ATF5: variants seen among roughly 807,000 people sequenced by gnomAD.
ATF5 encodes activating transcription factor 5.
In ATF5, 6 loss-of-function variants were observed where a neutral mutation model predicts 4.6. The observed-to-expected ratio is 1.31, with a 90% CI of 0.72 to 2.59. The LOEUF (loss-of-function observed/expected upper bound fraction) is 2.59, where lower values mean the gene tolerates loss of function less well. Ranked by LOEUF, ATF5 falls within the 30% of genes most tolerant of loss-of-function variation. The probability of loss-of-function intolerance (pLI) is 0.00; values close to 1 mark genes in which losing one functional copy is unlikely to be tolerated. For missense variants in ATF5, 410 were observed against 368.7 expected (o/e 1.11, Z -0.92); for synonymous variants, 193 against 165.0 (o/e 1.17, Z -1.30).
In ATF5 at chr19:49,933,215, C is replaced by T; in HGVS notation, c.*123C>T. On this transcript the variant is annotated 3_prime_UTR_variant, in exon 3 of 3. Transcript: ENST00000423777. ...GTGGCTTATGCTTGTAATCCCAGCA[C>T]TTTGGGAGGCCAAGGCAGGAGGATC... 1.9e-6 allele frequency: 2 copies of T among 1,076,566 alleles called. No individual in the cohort carries two copies. The highest frequency in any genetic ancestry group is 2.6e-6 in the Non-Finnish European group (2 of 774,846). 66.7% of individuals were successfully genotyped at this position (1,076,566 alleles called of 1,614,324 possible). A position where few individuals can be genotyped will look rare whatever the true frequency, so the allele number is the denominator to read the frequency against.
chr19:49,932,492 A>G lies in ATF5; in HGVS notation c.249A>G (p.Leu83=). The G allele has an allele frequency of 1.3e-6, 2 of 1,486,472 alleles. No individual in the cohort carries two copies. The highest frequency in any genetic ancestry group is 1.8e-6 in the Non-Finnish European group (2 of 1,092,124). The allele number at this position is 1,486,472 out of a possible 1,614,324, so 92.1% of individuals were successfully genotyped here. A position where few individuals can be genotyped will look rare whatever the true frequency, so the allele number is the denominator to read the frequency against. ...FTALLPLEPP[L]PPGTLPQPSP... ...CTCTCCTCCCTCTGGAGCCTCCCTT[A>G]CCCCCCGGCACCCTCCCCCAACCTT... The change falls in exon 3 of 3, where the codon TTA becomes TTG. Residue 83 remains leucine, a synonymous_variant. Coordinates refer to ENST00000423777, the MANE Select transcript of ATF5 (RefSeq NM_001193646.2).
At chr19:49,931,520 G>A (rs1356345256) in intron 2 of ATF5, among the ~76,000 whole-genome samples, 1 of 152,094 alleles carries the variant, frequency 6.6e-6, no homozygotes, top group Admixed American at 6.6e-5. Flanking sequence ...GGTGGCTCAC[G>A]CTTGTAGTCA....
Position 49,932,867 on chromosome 19 carries a change from G to A in ATF5, c.624G>A (p.Gly208=). ...APYPHPATTR[G]DRKQKKRDQN... is the part of the protein sequence containing the mutation. ...ACCCACATCCTGCCACCACCCGAGGGGACCGCAAGCAAAAGAAGAGAGACC... is the reference window on the plus strand; with the variant it reads ...ACCCACATCCTGCCACCACCCGAGGAGACCGCAAGCAAAAGAAGAGAGACC... The change falls in exon 3 of 3, where the codon GGG becomes GGA. Residue 208 remains glycine (G), a synonymous_variant. Coordinates refer to ENST00000423777, the MANE Select transcript of ATF5 (RefSeq NM_001193646.2). 6.2e-7 allele frequency: 1 copy of A among 1,613,008 alleles called. No individual in the cohort carries two copies. The highest frequency in any genetic ancestry group is 1.3e-5 in the African/African-American group (1 of 74,842).
rs772327793 is a variant in ATF5 at position 49,930,830 on chromosome 19, C to T, written c.-21C>T. The T allele has an allele frequency of 1.9e-5, 30 of 1,551,592 alleles. No homozygotes were observed. Among genetic ancestry groups the T allele is most frequent in the Non-Finnish European group, 2.6e-5 (30 of 1,144,368 alleles). On this transcript the variant is annotated 5_prime_UTR_variant, in exon 2 of 3. Coordinates refer to ENST00000423777, the MANE Select transcript of ATF5 (RefSeq NM_001193646.2). ...GCAGCCTCTCCTGTTGCCATCAGTG[C>T]CCAGCACCTGTGCTACAGCCATGTC...
In ATF5 at chr19:49,933,189, A is replaced by C. The variant is rs1210630695; in HGVS notation, c.*97A>C. On this transcript the variant is annotated 3_prime_UTR_variant, in exon 3 of 3. Coordinates refer to ENST00000423777, the MANE Select transcript of ATF5 (RefSeq NM_001193646.2). ...TTCCAAACCCCTCTCGGCCGGGTGC[A>C]GTGGCTTATGCTTGTAATCCCAGCA... 1 of 1,313,148 alleles carries C rather than the reference A, an allele frequency of 7.6e-7. No individual in the cohort carries two copies. The highest frequency in any genetic ancestry group is 1.0e-6 in the Non-Finnish European group (1 of 980,712). 81.3% of individuals were successfully genotyped at this position (1,313,148 alleles called of 1,614,324 possible).
At chr19:49,932,238 G>A (rs566332827) in intron 2 of ATF5, among the ~76,000 whole-genome samples, 184 bp from the exon 3 acceptor site, 15 of 152,178 alleles carry the variant, frequency 9.9e-5, no homozygotes, top group South Asian at 6.2e-4. Flanking sequence ...TGGTTGGTTC[G>A]TTGACTGGTT....
Position 49,930,807 on chromosome 19 carries a change from A to G in ATF5, c.-44A>G. 2 of 1,483,892 alleles carry G rather than the reference A, an allele frequency of 1.3e-6. No homozygotes were observed. Among genetic ancestry groups the G allele is most frequent in the South Asian group, 1.4e-5 (1 of 72,806 alleles). 91.9% of individuals were successfully genotyped at this position (1,483,892 alleles called of 1,614,324 possible). On this transcript the variant is annotated 5_prime_UTR_variant, in exon 2 of 3. Coordinates refer to ENST00000423777, the MANE Select transcript of ATF5 (RefSeq NM_001193646.2). Reference sequence around the variant, plus strand: ...AGAGCCTCGTGCCAGCTGCTGGTGCAGCCTCTCCTGTTGCCATCAGTGCCC... The same window carrying G: ...AGAGCCTCGTGCCAGCTGCTGGTGCGGCCTCTCCTGTTGCCATCAGTGCCC...
chr19:49,932,865 G>A lies in ATF5; in HGVS notation c.622G>A (p.Gly208Arg), dbSNP rs139037194. 6.8e-6 allele frequency: 11 copies of A among 1,612,986 alleles called. No homozygotes were observed. In the African/African-American group the frequency reaches 8.0e-5, roughly 12 times the overall value. Reference protein sequence around the residue: ...APYPHPATTRGDRKQKKRDQN... With the variant: ...APYPHPATTRRDRKQKKRDQN... ...CTACCCACATCCTGCCACCACCCGA[G>A]GGGACCGCAAGCAAAAGAAGAGAGA... is the stretch of plus-strand genomic sequence containing the variant. Residue 208 changes from glycine (G) to arginine (R), a missense_variant, in exon 3 of 3, where the codon GGG becomes AGG. Gly to Arg is a moderately radical substitution (Grantham distance 125). Transcript: ENST00000423777.
At position 49,932,777 on chromosome 19, in the gene ATF5, G is replaced by A. The variant is rs367836750; in HGVS notation, c.534G>A (p.Pro178=). 89 of 1,600,882 alleles carry A rather than the reference G, an allele frequency of 5.6e-5. No homozygotes were observed. The African/African-American group carries it at 9.7e-4, about 17-fold the overall frequency. Residue 178 remains proline, a synonymous_variant, in exon 3 of 3, where the codon CCG becomes CCA. Transcript: ENST00000423777. Reference sequence around the variant, plus strand: ...CCGGGCAGGAGGAAGTGGGGATGCCGCCTCTGCCCCCGCCACAGCAGCCCC... The same window carrying A: ...CCGGGCAGGAGGAAGTGGGGATGCCACCTCTGCCCCCGCCACAGCAGCCCC... ...NEAGQEEVGM[P]PLPPPQQPPP...
chr19:49,932,498 C>G lies in ATF5; in HGVS notation c.255C>G (p.Pro85=), dbSNP rs1152227. 20 of 1,605,410 alleles carry G rather than the reference C, an allele frequency of 1.2e-5. No homozygotes were observed. In the East Asian group the frequency reaches 3.1e-4, roughly 25 times the overall value. Residue 85 remains proline (P), a synonymous_variant, in exon 3 of 3, where the codon CCC becomes CCG. Transcript: ENST00000423777. ...ALLPLEPPLP[P]GTLPQPSPTP... ...TCCCTCTGGAGCCTCCCTTACCCCC[C>G]GGCACCCTCCCCCAACCTTCCCCAA...
upstream of ATF5, chr19:49,929,064 G>A (rs975680702): frequency 3.9e-5 from 6 of 152,282 alleles, no homozygotes; most frequent in Admixed American, 3.3e-4. Context: ...GGAAGGAAAG[G>A]CTCGGATCCC....
Position 49,933,164 on chromosome 19 carries a change from T to A in ATF5, c.*72T>A. The A allele has an allele frequency of 6.9e-7, 1 of 1,441,078 alleles. No individual in the cohort carries two copies. 89.3% of individuals were successfully genotyped at this position (1,441,078 alleles called of 1,614,324 possible). On this transcript the variant is annotated 3_prime_UTR_variant, in exon 3 of 3. Coordinates refer to ENST00000423777, the MANE Select transcript of ATF5 (RefSeq NM_001193646.2). Reference sequence around the variant, plus strand: ...CTTCATCCCCCTGCCTCTACCTTCATTCCAAACCCCTCTCGGCCGGGTGCA... The same window carrying A: ...CTTCATCCCCCTGCCTCTACCTTCAATCCAAACCCCTCTCGGCCGGGTGCA...
chr19:49,933,230 G>A lies in ATF5; in HGVS notation c.*138G>A. On this transcript the variant is annotated 3_prime_UTR_variant, in exon 3 of 3. Coordinates refer to ENST00000423777, the MANE Select transcript of ATF5 (RefSeq NM_001193646.2). ...AATCCCAGCACTTTGGGAGGCCAAG[G>A]CAGGAGGATCGTTTGAGGCCAGGAG... The A allele has an allele frequency of 1.1e-6, 1 of 947,806 alleles. No homozygotes were observed. The highest frequency in any genetic ancestry group is 1.5e-6 in the Non-Finnish European group (1 of 661,226). 58.7% of individuals were successfully genotyped at this position (947,806 alleles called of 1,614,324 possible).
At position 49,933,237 on chromosome 19, in the gene ATF5, G is replaced by A. The variant is rs1436140707; in HGVS notation, c.*145G>A. 3.5e-6 allele frequency: 3 copies of A among 856,774 alleles called. No individual in the cohort carries two copies. Among genetic ancestry groups the A allele is most frequent in the Non-Finnish European group, 5.2e-6 (3 of 579,416 alleles). The allele number at this position is 856,774 out of a possible 1,614,324, so 53.1% of individuals were successfully genotyped here. On this transcript the variant is annotated 3_prime_UTR_variant, in exon 3 of 3. Coordinates refer to ENST00000423777, the MANE Select transcript of ATF5 (RefSeq NM_001193646.2). ...GCACTTTGGGAGGCCAAGGCAGGAGGATCGTTTGAGGCCAGGAGGTCAATA... is the reference window on the plus strand; with the variant it reads ...GCACTTTGGGAGGCCAAGGCAGGAGAATCGTTTGAGGCCAGGAGGTCAATA...
In ATF5 at chr19:49,932,853, G is replaced by A; in HGVS notation, c.610G>A (p.Ala204Thr). The A allele has an allele frequency of 1.2e-6, 2 of 1,612,176 alleles. No individual in the cohort carries two copies. Among genetic ancestry groups the A allele is most frequent in the South Asian group, 1.1e-5 (1 of 90,818 alleles). ...PSRLAPYPHP[A>T]TTRGDRKQKK... ...TCGCCTGGCCCCCTACCCACATCCT[G>A]CCACCACCCGAGGGGACCGCAAGCA... The change falls in exon 3 of 3, where the codon GCC becomes ACC. Residue 204 changes from alanine to threonine, a missense_variant. By Grantham distance (58) the Ala-to-Thr change is moderately conservative. Transcript: ENST00000423777.
At chr19:49,931,428 A>C (rs2076061969) in intron 2 of ATF5, among the ~76,000 whole-genome samples, 1 of 152,006 alleles carries the variant, frequency 6.6e-6, no homozygotes, top group Non-Finnish European at 1.5e-5. Context: ...AAGCGGGGAG[A>C]ATTGCTTTAG....
At chr19:49,930,483 G>T in intron 1 of ATF5, 1 of 210,578 alleles carries the variant, frequency 4.7e-6, no homozygotes, top group Non-Finnish European at 9.3e-6. Flanking sequence ...TTGGGGGAAG[G>T]GGTGGGGCAT....
chr19:49,930,864 C>A lies in ATF5; in HGVS notation c.14C>A (p.Ala5Glu). Residue 5 changes from alanine (A) to glutamate (E), a missense_variant, in exon 2 of 3, where the codon GCG (alanine) becomes GAG (glutamate). By Grantham distance (107) the Ala-to-Glu change is moderately radical. Transcript: ENST00000423777. Reference sequence around the variant, plus strand: ...TGTGCTACAGCCATGTCACTCCTGGCGACCCTGGGGCTGGAGCTGGACAGG... The same window carrying A: ...TGTGCTACAGCCATGTCACTCCTGGAGACCCTGGGGCTGGAGCTGGACAGG... MSLLATLGLELDRAL... is the reference protein window; with the variant it reads MSLLETLGLELDRAL... 1.3e-6 allele frequency: 2 copies of A among 1,591,676 alleles called. No individual in the cohort carries two copies. The highest frequency in any genetic ancestry group is 1.7e-6 in the Non-Finnish European group (2 of 1,167,412).
rs755335316 is a variant in ATF5 at position 49,932,845 on chromosome 19, C to G, written c.602C>G (p.Pro201Arg). 6.2e-7 allele frequency: 1 copy of G among 1,611,992 alleles called. No homozygotes were observed. Among genetic ancestry groups the G allele is most frequent in the East Asian group, 2.2e-5 (1 of 44,768 alleles). Residue 201 changes from proline to arginine, a missense_variant, in exon 3 of 3, where the codon CCA becomes CGA. Physicochemically the swap from Pro to Arg is moderately radical, Grantham distance 103. Coordinates refer to ENST00000423777, the MANE Select transcript of ATF5 (RefSeq NM_001193646.2). ...PPQPSRLAPYPHPATTRGDRK... is the reference protein window; with the variant it reads ...PPQPSRLAPYRHPATTRGDRK... The stretch of plus-strand genomic sequence containing the variant: ...CAACCTTCTCGCCTGGCCCCCTACC[C>G]ACATCCTGCCACCACCCGAGGGGAC...
Sources: gnomAD v4.1 joint callset for allele counts (sites outside exome capture counted in the v4.1 genomes callset) on GRCh38, gnomAD v4.1.1 for gene constraint, MANE v1.5 for transcripts, NCBI Gene and HGNC (gene_info 2026-07-23, HGNC 2026-07-21) for gene names.